OBP2A: variants seen among roughly 807,000 people sequenced by gnomAD.
OBP2A encodes the protein odorant binding protein 2A, also known as odorant-binding protein 2a.
A neutral mutation model predicts 21.9 loss-of-function variants in OBP2A; 15 were observed. The observed-to-expected ratio is 0.69, with a 90% CI of 0.46 to 1.06. The LOEUF is 1.06. Among genes scored for constraint, OBP2A ranks in the 50% least tolerant of loss-of-function variants. OBP2A has a pLI of 0.00. For synonymous variants in OBP2A, 86 were observed against 91.8 expected (o/e 0.94, Z 0.36); for missense variants, 192 against 220.1 (o/e 0.87, Z 0.81).
In OBP2A at chr9:135,546,148, A is replaced by G. The variant is rs1453869468; in HGVS notation, c.-33A>G. 3.1e-6 allele frequency: 4 copies of G among 1,285,224 alleles called. No individual in the cohort carries two copies. In the South Asian group the frequency reaches 5.2e-5, roughly 17 times the overall value. The allele number at this position is 1,285,224 out of a possible 1,614,324, so 79.6% of individuals were successfully genotyped here. A position where few individuals can be genotyped will look rare whatever the true frequency, so the allele number is the denominator to read the frequency against. On this transcript the variant is annotated 5_prime_UTR_variant, in exon 1 of 7. Transcript: ENST00000371776. ...CACAGCCTTGTTCAGACGCCCAGTG[A>G]CCTGCCGAGGTCGGCAGCACAGAGC... is the stretch of plus-strand genomic sequence containing the variant.
rs1299515350 is a variant in OBP2A at position 135,548,828 on chromosome 9, A to G, written c.490+19A>G. The G allele has an allele frequency of 3.1e-6, 5 of 1,612,662 alleles. No homozygotes were observed. The highest frequency in any genetic ancestry group is 4.2e-6 in the Non-Finnish European group (5 of 1,178,728). ...CAGACGGGTGAGGACGGCTGTGCCC[A>G]GTACCCCGTGTTCCCCTGTGTCTCT... On this transcript the variant is annotated intron_variant, in intron 5 of 6. Transcript: ENST00000371776.
In OBP2A at chr9:135,547,833, T is replaced by C. The variant is rs759655338; in HGVS notation, c.278-38T>C. 21 of 1,443,168 alleles carry C rather than the reference T, an allele frequency of 1.5e-5. No individual in the cohort carries two copies. The African/African-American group carries it at 2.8e-4, about 19-fold the overall frequency. The allele number at this position is 1,443,168 out of a possible 1,614,324, so 89.4% of individuals were successfully genotyped here. ...TGGTCCTGAGTGCTCTCTCCGGGAA[T>C]GAGGGCACTGAAGACCCATCTTCTC... On this transcript the variant is annotated intron_variant, in intron 3 of 6. Transcript: ENST00000371776.
rs552404615 is a variant in OBP2A, at chr9:135,549,770, G to T, written c.*2-67G>T. On this transcript the variant is annotated intron_variant, in intron 6 of 6. Transcript: ENST00000371776. The stretch of plus-strand genomic sequence containing the variant: ...GTGGAAGCTGCAGAGCCTGGGGAGG[G>T]AGCTCTGGGCCTGGCCTCTGCCCTA... 37 of 1,060,238 alleles carry T rather than the reference G, an allele frequency of 3.5e-5. No individual in the cohort carries two copies. The South Asian group carries it at 5.5e-4, about 16-fold the overall frequency. 65.7% of individuals were successfully genotyped at this position (1,060,238 alleles called of 1,614,324 possible). A position where few individuals can be genotyped will look rare whatever the true frequency, so the allele number is the denominator to read the frequency against.
rs552167833 is a variant in OBP2A at position 135,549,483 on chromosome 9, C to T, written c.*1+152C>T. ...GGTTGGCACCTCAGAGTCTGCCCAC[C>T]CAAAATTCCTGGGACATTCGGGAAG... On this transcript the variant is annotated intron_variant, in intron 6 of 6. Transcript: ENST00000371776. 17 of 835,700 alleles carry T rather than the reference C, an allele frequency of 2.0e-5. 1 individual carries two copies. In the African/African-American group the frequency reaches 2.6e-4, roughly 13 times the overall value. 51.8% of individuals were successfully genotyped at this position (835,700 alleles called of 1,614,324 possible).
Position 135,547,926 on chromosome 9 carries a change from C to A in OBP2A, c.333C>A (p.Val111=). ...AGCTGCCCGGGACGGACGACTACGT[C>A]TTTTACTGCAAAGACCAGCGCCGTG... ...LQELPGTDDY[V]FYCKDQRRGG... is the part of the protein sequence containing the mutation. The change falls in exon 4 of 7, where the codon GTC becomes GTA. Residue 111 remains valine, a synonymous_variant. Transcript: ENST00000371776. The A allele has an allele frequency of 1.2e-6, 2 of 1,613,562 alleles. No individual in the cohort carries two copies. The highest frequency in any genetic ancestry group is 1.7e-6 in the Non-Finnish European group (2 of 1,179,718).
chr9:135,549,508 G>A (rs1832060324), intron 6 of OBP2A, 177 bp downstream of exon 6: 1 of 723,574 alleles, frequency 1.4e-6, no homozygotes, highest in African/African-American at 1.9e-5. Context: ...CATTCGGGAA[G>A]TCCTTTGTTT....
intron 2 of OBP2A, 73 bp downstream of exon 2, chr9:135,546,984 C>T: frequency 1.3e-6 from 2 of 1,599,144 alleles, no homozygotes; most frequent in Middle Eastern, 1.8e-4. Context: ...GTGCCCATTG[C>T]CCCATCCACA....
Position 135,548,797 on chromosome 9 carries a change from C to G in OBP2A, c.478C>G (p.Pro160Ala). Residue 160 changes from proline (P) to alanine (A), a missense_variant, in exon 5 of 7, where the codon CCC (proline) becomes GCC (alanine). Transcript: ENST00000371776. ...KGLSEEDIFM[P>A]LQTGSCVLEH ...ACTCTCGGAGGAGGACATTTTCATG[C>G]CCCTGCAGACGGGTGAGGACGGCTG... The G allele has an allele frequency of 6.2e-7, 1 of 1,613,764 alleles. No individual in the cohort carries two copies. Among genetic ancestry groups the G allele is most frequent in the Non-Finnish European group, 8.5e-7 (1 of 1,179,664 alleles).
rs774741757 is a variant in OBP2A, at chr9:135,547,190, G to A, written c.219G>A (p.Arg73=). The A allele has an allele frequency of 3.7e-6, 6 of 1,612,546 alleles. No homozygotes were observed. The Admixed American group carries it at 8.3e-5, about 22-fold the overall frequency. ...TCCTGTTTTCCAGGAGGGAGGATCG[G>A]TGCATCCAGAAGAAAATCCTGATGC... The part of the protein sequence containing the change: ...EATFTFMRED[R]CIQKKILMRK... The change falls in exon 3 of 7, where the codon CGG becomes CGA. Residue 73 remains arginine, a synonymous_variant. Coordinates refer to ENST00000371776, the MANE Select transcript of OBP2A (RefSeq NM_014582.3).
At chr9:135,548,253 G>C (rs1832005854) in intron 4 of OBP2A, among the ~76,000 whole-genome samples, 1 of 152,156 alleles carries the variant, frequency 6.6e-6, no homozygotes, top group Admixed American at 6.5e-5. Flanking sequence ...CTCACCTTAA[G>C]GGGGAGGTAG....
intron 4 of OBP2A, among the ~76,000 whole-genome samples, chr9:135,548,429 G>A (rs1354560458): frequency 1.3e-5 from 2 of 151,904 alleles, no homozygotes; most frequent in Non-Finnish European, 2.9e-5. Context: ...CCCTGCCACT[G>A]TCCCCTTTCC....
At chr9:135,549,722 G>A (rs943838985) in intron 6 of OBP2A, 115 bp from the exon 7 acceptor site, 37 of 649,776 alleles carry the variant, frequency 5.7e-5, no homozygotes, top group African/African-American at 1.7e-4. Context: ...CTGGAGCCCC[G>A]AGGCTGCCCA....
At position 135,549,396 on chromosome 9, in the gene OBP2A, A is replaced by G. The variant is rs1335867971; in HGVS notation, c.*1+65A>G. On this transcript the variant is annotated intron_variant, in intron 6 of 6. Transcript: ENST00000371776. ...TCCTGGGTTCCCGGGGTTCGAGGGT[A>G]CATCTGCTCTGGCCCTTCCCATCCC... 4 of 1,355,092 alleles carry G rather than the reference A, an allele frequency of 3.0e-6. No individual in the cohort carries two copies. In the Admixed American group the frequency reaches 5.4e-5, roughly 18 times the overall value. The allele number at this position is 1,355,092 out of a possible 1,614,324, so 83.9% of individuals were successfully genotyped here. A position where few individuals can be genotyped will look rare whatever the true frequency, so the allele number is the denominator to read the frequency against.
Position 135,548,696 on chromosome 9 carries a change from C to A in OBP2A, c.389-12C>A, listed in dbSNP as rs1418844103. 6.2e-7 allele frequency: 1 copy of A among 1,613,930 alleles called. No individual in the cohort carries two copies. The highest frequency in any genetic ancestry group is 1.1e-5 in the South Asian group (1 of 91,068). ...GTCCCCACCTTGGCTCACCTGGCCA[C>A]CTCACCTGCAGGTAGGAATCCTAAT... is the stretch of plus-strand genomic sequence containing the variant. On this transcript the variant is annotated splice_polypyrimidine_tract_variant and intron_variant, in intron 4 of 6. Coordinates refer to ENST00000371776, the MANE Select transcript of OBP2A (RefSeq NM_014582.3).
At chr9:135,546,565 T>C (rs1034016765) in intron 1 of OBP2A, among the ~76,000 whole-genome samples, 1 of 151,602 alleles carries the variant, frequency 6.6e-6, no homozygotes, top group Non-Finnish European at 1.5e-5. Context: ...GGTGCAGACA[T>C]GCCCTCCTTC....
intron 1 of OBP2A, among the ~76,000 whole-genome samples, 198 bp downstream of exon 1, chr9:135,546,450 G>T (rs556387804): frequency 1.8e-4 from 27 of 151,388 alleles, no homozygotes; most frequent in Non-Finnish European, 3.7e-4. Flanking sequence ...GAGCAGGCTC[G>T]GCTCAGGGGT....
At position 135,547,232 on chromosome 9, in the gene OBP2A, T is replaced by C. The variant is rs1831964453; in HGVS notation, c.261T>C (p.Pro87=). The change falls in exon 3 of 7, where the codon CCT becomes CCC. Residue 87 remains proline, a synonymous_variant. Coordinates refer to ENST00000371776, the MANE Select transcript of OBP2A (RefSeq NM_014582.3). ...KKILMRKTEE[P]GKFSAYGGRK... Reference sequence around the variant, plus strand: ...TCCTGATGCGGAAGACGGAGGAGCCTGGCAAATTCAGCGCCTGTGAGCCCC... The same window carrying C: ...TCCTGATGCGGAAGACGGAGGAGCCCGGCAAATTCAGCGCCTGTGAGCCCC... 1 of 1,613,420 alleles carries C rather than the reference T, an allele frequency of 6.2e-7. No individual in the cohort carries two copies. Among genetic ancestry groups the C allele is most frequent in the African/African-American group, 1.3e-5 (1 of 74,866 alleles).
chr9:135,546,252 T>A lies in OBP2A; in HGVS notation c.72T>A (p.Asp24Glu), dbSNP rs773345969. 6 of 1,505,186 alleles carry A rather than the reference T, an allele frequency of 4.0e-6. 1 individual carries two copies. Among genetic ancestry groups the A allele is most frequent in the East Asian group, 2.3e-5 (1 of 43,140 alleles). The allele number at this position is 1,505,186 out of a possible 1,614,324, so 93.2% of individuals were successfully genotyped here. Residue 24 changes from aspartate (D) to glutamate (E), a missense_variant and splice_region_variant, in exon 1 of 7, where the codon GAT (aspartate) becomes GAA (glutamate). Asp to Glu is a conservative substitution (Grantham distance 45). Transcript: ENST00000371776. ...TGTCCTTCACCCTGGAGGAGGAGGA[T>A]GTGAGCTGGGTTGGCGTGGGCGGAT... ...AALSFTLEEE[D>E]ITGTWYVKAM...
chr9:135,548,468 T>C (rs369419642), intron 4 of OBP2A, among the ~76,000 whole-genome samples: 10 of 151,686 alleles, frequency 6.6e-5, no homozygotes, highest in African/African-American at 2.4e-4. Context: ...GCGGTGGCCG[T>C]CTCCTCTGTC....
Sources: gnomAD v4.1 joint callset for allele counts (sites outside exome capture counted in the v4.1 genomes callset) on GRCh38, gnomAD v4.1.1 for gene constraint, MANE v1.5 for transcripts, NCBI Gene and HGNC (gene_info 2026-07-23, HGNC 2026-07-21) for gene names.